The following EFCAB13 variants were observed in gnomAD, a reference collection of about 807,000 sequenced individuals.
The protein encoded by EFCAB13 is EF-hand calcium-binding domain-containing protein 13.
In EFCAB13, 91 loss-of-function variants were observed where a neutral mutation model predicts 110.2. The observed-to-expected ratio is 0.83, with a 90% confidence interval of 0.70 to 0.98. The LOEUF (loss-of-function observed/expected upper bound fraction) is 0.98. EFCAB13 is among the 50% of genes least tolerant of loss of function. The pLI, the probability that EFCAB13 is intolerant of heterozygous loss-of-function variation, is 0.00. For missense variants in EFCAB13, 968 were observed against 1,119.4 expected (o/e 0.86, Z 1.93); for synonymous variants, 323 against 369.9 (o/e 0.87, Z 1.45).
At chr17:47,366,372 G>A (rs373613414) in intron 10 of EFCAB13, among the ~76,000 whole-genome samples, 29 of 151,898 alleles carry the variant, frequency 1.9e-4, no homozygotes, top group African/African-American at 6.0e-4. Context: ...TGGGTGGGAA[G>A]TTGTGACTAG....
chr17:47,423,697 T>C (rs1359928748), intron 23 of EFCAB13, among the ~76,000 whole-genome samples: 8 of 150,722 alleles, frequency 5.3e-5, no homozygotes. Flanking sequence ...CCCCGGCGGT[T>C]GGGGCGCCGG....
intron 2 of EFCAB13, among the ~76,000 whole-genome samples, chr17:47,325,923 A>AAAATATATATAT (rs548207910): frequency 9.8e-6 from 1 of 102,552 alleles, no homozygotes; most frequent in East Asian, 3.5e-4. Context: ...ATATAAACAA[A>AAAATATATATAT]ATATATATAT....
chr17:47,398,153 G>T (rs1387547696), intron 17 of EFCAB13, among the ~76,000 whole-genome samples: 2 of 144,892 alleles, frequency 1.4e-5, no homozygotes, highest in Non-Finnish European at 3.0e-5. Context: ...CCGTCTGGGA[G>T]GTGAGGGGCG....
rs530887384 is a variant in EFCAB13 at position 47,379,691 on chromosome 17, T to C, written c.1582+438T>C. On this transcript the variant is annotated intron_variant, in intron 14 of 24. Transcript: ENST00000331493. ...TAAAATTCACTCATCCACTGATTTT[T>C]ATTAAATTTATTGAGTTGTAGAACT... Among the ~76,000 whole-genome samples, 13 of 152,288 alleles carry C rather than the reference T, an allele frequency of 8.5e-5. 1 individual carries two copies. Among genetic ancestry groups the C allele is most frequent in the Middle Eastern group, 6.8e-3 (2 of 294 alleles).
chr17:47,370,360 G>A, intron 10 of EFCAB13, 77 bp from the exon 11 acceptor site: 2 of 1,004,964 alleles, frequency 2.0e-6, no homozygotes, highest in East Asian at 4.9e-5. Context: ...ATTCTGTGTT[G>A]TTTTCATATT....
intron 4 of EFCAB13, among the ~76,000 whole-genome samples, chr17:47,332,312 G>T (rs999727315): frequency 2.6e-5 from 4 of 152,042 alleles, no homozygotes; most frequent in South Asian, 2.1e-4. Flanking sequence ...TAATAATTGT[G>T]TGTATTTTGG....
At chr17:47,412,251 G>A (rs1420552883) in intron 21 of EFCAB13, among the ~76,000 whole-genome samples, 2 of 152,260 alleles carry the variant, frequency 1.3e-5, no homozygotes, top group African/African-American at 4.8e-5. Context: ...ATAAGTGGAG[G>A]CTGAAATGCA....
chr17:47,415,806 A>C (rs1308517593), intron 23 of EFCAB13, among the ~76,000 whole-genome samples: 2 of 152,084 alleles, frequency 1.3e-5, no homozygotes, highest in East Asian at 3.8e-4. Flanking sequence ...ATTATTCTTA[A>C]TACCACACTA....
At chr17:47,381,232 CTT>C (rs2065646031) in intron 14 of EFCAB13, among the ~76,000 whole-genome samples, 1 of 151,888 alleles carries the variant, frequency 6.6e-6, no homozygotes, top group African/African-American at 2.4e-5. Context: ...TGTTTAAGTG[CTT>C]TGTAGATTCT....
intron 16 of EFCAB13, 30 bp downstream of exon 16, chr17:47,394,129 T>C: frequency 7.2e-7 from 1 of 1,382,868 alleles, no homozygotes; most frequent in Non-Finnish European, 9.7e-7. Context: ...CTTCTGCTTT[T>C]TGTGGACCAA....
Position 47,346,399 on chromosome 17 carries a change from A to G in EFCAB13, c.517+1301A>G, listed in dbSNP as rs538294224. 7.7e-5 allele frequency among the ~76,000 whole-genome samples: 11 copies of G among 143,414 alleles called. No homozygotes were observed. In the East Asian group the frequency reaches 1.6e-3, roughly 21 times the overall value. The allele number at this position is 143,414 out of a possible 152,430, so 94.1% of individuals were successfully genotyped here. On this transcript the variant is annotated intron_variant, in intron 8 of 24. Transcript: ENST00000331493. ...AGGATTTTCTTCTTTTTAAAGGCTG[A>G]TTGATATTCTGTCATATGTATATAA...
chr17:47,375,859 A>G (rs187629887), intron 12 of EFCAB13, among the ~76,000 whole-genome samples: 7 of 152,342 alleles, frequency 4.6e-5, no homozygotes, highest in Admixed American at 4.6e-4. Context: ...TATAATATTC[A>G]TAGTACTTCA....
chr17:47,430,034 C>A, intron 24 of EFCAB13, 73 bp downstream of exon 24: 1 of 1,457,202 alleles, frequency 6.9e-7, no homozygotes, highest in South Asian at 1.5e-5. Flanking sequence ...ATGGGTAGGA[C>A]ATGCAGGGAT....
chr17:47,354,754 G>A (rs1159592966), intron 9 of EFCAB13, among the ~76,000 whole-genome samples: 2 of 152,154 alleles, frequency 1.3e-5, no homozygotes, highest in Non-Finnish European at 2.9e-5. Context: ...GTTTATGTGA[G>A]TGAGTCCTTA....
chr17:47,381,203 T>G (rs908271698), intron 14 of EFCAB13, among the ~76,000 whole-genome samples: 6 of 136,852 alleles, frequency 4.4e-5, no homozygotes, highest in African/African-American at 1.3e-4. Context: ...TTTTGATGGG[T>G]TTTTTTTTCT....
At chr17:47,366,036 C>T (rs1479418179) in intron 10 of EFCAB13, among the ~76,000 whole-genome samples, 2 of 152,124 alleles carry the variant, frequency 1.3e-5, no homozygotes, top group Non-Finnish European at 2.9e-5. Context: ...AATAATATAA[C>T]ACAGTCCTGC....
chr17:47,365,911 T>C (rs2065542891), intron 10 of EFCAB13, among the ~76,000 whole-genome samples: 1 of 152,164 alleles, frequency 6.6e-6, no homozygotes, highest in Non-Finnish European at 1.5e-5. Context: ...TAGTATATGC[T>C]CTGGGGTCTG....
chr17:47,346,413 A>G (rs1204064848), intron 8 of EFCAB13, among the ~76,000 whole-genome samples: 3 of 145,188 alleles, frequency 2.1e-5, no homozygotes, highest in Non-Finnish European at 4.5e-5. Context: ...ATATTCTGTC[A>G]TATGTATATA....
intron 24 of EFCAB13, among the ~76,000 whole-genome samples, chr17:47,438,230 A>G (rs1242208278): frequency 6.6e-6 from 1 of 152,160 alleles, no homozygotes; most frequent in East Asian, 1.9e-4. Context: ...CCTTCGTCTT[A>G]ACTTTGGATA....
Sources: allele counts gnomAD v4.1 joint callset (sites outside exome capture counted in the v4.1 genomes callset), GRCh38; gene constraint gnomAD v4.1.1; transcripts MANE v1.5; gene names NCBI Gene and HGNC (gene_info 2026-07-23, HGNC 2026-07-21).